MARCHF1: variants seen among roughly 807,000 people sequenced by gnomAD.
The protein encoded by MARCHF1 is membrane associated ring-CH-type finger 1, also known as E3 ubiquitin-protein ligase MARCHF1.
MARCHF1 carries 40 observed loss-of-function variants against 54.2 expected under a neutral mutation model. The observed-to-expected ratio is 0.74, with a 90% CI of 0.57 to 0.96. The LOEUF (loss-of-function observed/expected upper bound fraction) is 0.96, where lower values mean the gene tolerates loss of function less well. Ranked by LOEUF, MARCHF1 falls within the 40% of genes least tolerant of loss-of-function variation. The pLI is 0.00. For synonymous variants in MARCHF1, 236 were observed against 236.3 expected, an observed-to-expected ratio of 1.00 and a Z score of 0.01; for missense variants, 586 against 656.5, an observed-to-expected ratio of 0.89 and a Z score of 1.17.
intron 1 of MARCHF1, among the ~76,000 whole-genome samples, chr4:164,286,813 A>C (rs2111353840): frequency 6.7e-6 from 1 of 150,256 alleles, no homozygotes; most frequent in South Asian, 2.1e-4. Context: ...CCAGAAACAT[A>C]CACATGATTT....
At chr4:163,709,806 T>G (rs557479970) in intron 4 of MARCHF1, among the ~76,000 whole-genome samples, 9 of 152,310 alleles carry the variant, frequency 5.9e-5, no homozygotes, top group African/African-American at 1.9e-4. Flanking sequence ...TTGCTGAACT[T>G]GCAAAATGCG....
At chr4:163,735,121 T>G (rs374092555) in intron 4 of MARCHF1, among the ~76,000 whole-genome samples, 6 of 152,172 alleles carry the variant, frequency 3.9e-5, no homozygotes, top group Admixed American at 6.5e-5. Flanking sequence ...CTTCCTCATT[T>G]TCTTTAATTC....
At chr4:164,126,612 T>G (rs1186903230) in intron 1 of MARCHF1, among the ~76,000 whole-genome samples, 2 of 152,152 alleles carry the variant, frequency 1.3e-5, no homozygotes, top group Non-Finnish European at 2.9e-5. Flanking sequence ...AACCCTACCT[T>G]GCTCTGAATA....
At chr4:163,798,055 G>A (rs1747970522) in intron 4 of MARCHF1, among the ~76,000 whole-genome samples, 1 of 152,154 alleles carries the variant, frequency 6.6e-6, no homozygotes, top group South Asian at 2.1e-4. Context: ...ACTGAACTGT[G>A]TCTTCCTCAC....
chr4:164,261,360 C>T (rs981422773), intron 1 of MARCHF1, among the ~76,000 whole-genome samples: 1 of 152,122 alleles, frequency 6.6e-6, no homozygotes, highest in South Asian at 2.1e-4. Context: ...CTATGCCTCA[C>T]ACATTGTGTC....
chr4:164,195,078 G>A (rs1731218461), intron 1 of MARCHF1, among the ~76,000 whole-genome samples: 1 of 150,482 alleles, frequency 6.6e-6, no homozygotes, highest in African/African-American at 2.5e-5. Context: ...TTAGTTTTCT[G>A]CCCTTGTGTT....
intron 1 of MARCHF1, among the ~76,000 whole-genome samples, chr4:164,259,978 C>A (rs1283927817): frequency 5.9e-5 from 9 of 152,136 alleles, no homozygotes; most frequent in Admixed American, 5.9e-4. Context: ...ATGATTTAAT[C>A]TGTAGGAGGG....
intron 2 of MARCHF1, among the ~76,000 whole-genome samples, chr4:164,021,946 C>T (rs1166970142): frequency 6.6e-6 from 1 of 151,576 alleles, no homozygotes; most frequent in East Asian, 1.9e-4. Context: ...ATTTTATTGT[C>T]TATGGAAATC....
rs187256327 is a variant in MARCHF1, at chr4:164,027,863, A to C, written c.-247-39154T>G. Reference sequence around the variant, plus strand: ...CATCTGACAAAGGTGAAATATCCAGAATCCATAAAGAACTTATCAACAAGC... The same window carrying C: ...CATCTGACAAAGGTGAAATATCCAGCATCCATAAAGAACTTATCAACAAGC... On this transcript the variant is annotated intron_variant, in intron 2 of 9. Transcript: ENST00000514618. Among the ~76,000 whole-genome samples, 410 of 152,306 alleles carry C rather than the reference A, an allele frequency of 2.7e-3. 1 individual carries two copies. Among genetic ancestry groups the C allele is most frequent in the African/African-American group, 9.5e-3 (393 of 41,582 alleles).
intron 1 of MARCHF1, among the ~76,000 whole-genome samples, chr4:164,329,084 G>A (rs935666777): frequency 6.6e-6 from 1 of 152,096 alleles, no homozygotes; most frequent in Non-Finnish European, 1.5e-5. Context: ...TACTGGAGAA[G>A]GAACTTTTCA....
intron 2 of MARCHF1, among the ~76,000 whole-genome samples, chr4:164,044,342 C>A (rs1231394585): frequency 6.6e-6 from 1 of 152,050 alleles, no homozygotes; most frequent in Non-Finnish European, 1.5e-5. Context: ...CAAATCATGG[C>A]AGAAGGGCAA....
intron 1 of MARCHF1, among the ~76,000 whole-genome samples, chr4:164,196,382 C>A (rs1731258977): frequency 6.6e-6 from 1 of 152,022 alleles, no homozygotes; most frequent in Non-Finnish European, 1.5e-5. Context: ...ATATTTGAAG[C>A]TTATAAATCA....
In MARCHF1 at chr4:163,843,147, A is replaced by C. The variant is rs138053216; in HGVS notation, c.111+10874T>G. On this transcript the variant is annotated intron_variant, in intron 4 of 9. Coordinates refer to ENST00000514618, the MANE Select transcript of MARCHF1 (RefSeq NM_001394959.1). ...TTTTCTGTTCCTGTGTTAATTCACT[A>C]AGGATAATGGCCTCCAGTTGCATCC... Among the ~76,000 whole-genome samples the C allele has an allele frequency of 2.7e-3, 407 of 152,228 alleles. 1 individual carries two copies. Among genetic ancestry groups the C allele is most frequent in the African/African-American group, 9.5e-3 (393 of 41,546 alleles).
intron 9 of MARCHF1, among the ~76,000 whole-genome samples, chr4:163,531,752 CA>C (rs1738362025): frequency 6.6e-6 from 1 of 151,294 alleles, no homozygotes; most frequent in African/African-American, 2.4e-5. Context: ...CAAAGTTTTA[CA>C]AAAAGTCAAT....
intron 2 of MARCHF1, among the ~76,000 whole-genome samples, chr4:164,005,900 C>G (rs1208631314): frequency 6.6e-6 from 1 of 152,026 alleles, no homozygotes; most frequent in Non-Finnish European, 1.5e-5. Flanking sequence ...AGGTAGCAGT[C>G]CTATCTAAGG....
At chr4:163,596,537 CAAAAAAAAAAAAAA>C (rs142539749) in intron 7 of MARCHF1, among the ~76,000 whole-genome samples, 1 of 73,778 alleles carries the variant, frequency 1.4e-5, no homozygotes. Context: ...GAGGCTGTCT[CAAAAAAAAAAAAAA>C]AAAAAAAAAA....
intron 2 of MARCHF1, among the ~76,000 whole-genome samples, chr4:164,050,932 C>CAAT (rs1249261194): frequency 6.6e-6 from 1 of 151,906 alleles, no homozygotes; most frequent in Non-Finnish European, 1.5e-5. Context: ...AACTCTGTCT[C>CAAT]AATAATAATA....
intron 1 of MARCHF1, among the ~76,000 whole-genome samples, chr4:164,274,659 C>CTTTTTTTTTTTTTTTT (rs70952617): frequency 2.2e-5 from 1 of 44,656 alleles, no homozygotes. Flanking sequence ...TCAGGGTACA[C>CTTTTTTTTTTTTTTTT]TTTTTTTTTT....
At chr4:164,028,693 C>T (rs951851864) in intron 2 of MARCHF1, among the ~76,000 whole-genome samples, 1 of 152,066 alleles carries the variant, frequency 6.6e-6, no homozygotes, top group Non-Finnish European at 1.5e-5. Context: ...ATCCATGTAA[C>T]AAACTTGCAC....
Sources: allele counts gnomAD v4.1 joint callset (sites outside exome capture counted in the v4.1 genomes callset), GRCh38; gene constraint gnomAD v4.1.1; transcripts MANE v1.5; gene names NCBI Gene and HGNC (gene_info 2026-07-23, HGNC 2026-07-21).